SHANK1: variants seen among roughly 807,000 people sequenced by gnomAD.
SHANK1 encodes the protein SH3 and multiple ankyrin repeat domains protein 1.
SHANK1 carries 35 observed loss-of-function variants against 165.6 expected under a neutral mutation model. That is an observed-to-expected ratio of 0.21 (90% CI 0.16 to 0.28). The LOEUF is 0.28. SHANK1 is among the 10% of genes least tolerant of loss of function. The pLI is 1.00. For missense variants in SHANK1, 2,681 were observed against 3,036.4 expected, an observed-to-expected ratio of 0.88 and a Z score of 2.75; for synonymous variants, 1,428 against 1,384.8, an observed-to-expected ratio of 1.03 and a Z score of -0.69.
chr19:50,668,621 C>A lies in SHANK1; in HGVS notation c.3339G>T (p.Gln1113His). The A allele has an allele frequency of 7.3e-7, 1 of 1,376,800 alleles. No individual in the cohort carries two copies. The highest frequency in any genetic ancestry group is 9.4e-7 in the Non-Finnish European group (1 of 1,060,996). The allele number at this position is 1,376,800 out of a possible 1,614,324, so 85.3% of individuals were successfully genotyped here. ...GRGRKGPLVK[Q>H]TKVEGEPQKG... ...TCTGGGGCTCGCCTTCCACCTTGGT[C>A]TGCTTGACCAGCGGGCCCTTGCGGC... Residue 1113 changes from glutamine (Q) to histidine (H), a missense_variant, in exon 23 of 24, where the codon CAG becomes CAT. By Grantham distance (24) the Gln-to-His change is conservative. Transcript: ENST00000293441.
rs555907603 is a variant in SHANK1 at position 50,683,589 on chromosome 19, G to C, written c.2577+2648C>G. On this transcript the variant is annotated intron_variant, in intron 21 of 23. Transcript: ENST00000293441. Reference sequence around the variant, plus strand: ...TAGACAGCTCTTCAGCACCATGCTTGGGGGACCTTTTAAACGCTGATATCA... The same window carrying C: ...TAGACAGCTCTTCAGCACCATGCTTCGGGGACCTTTTAAACGCTGATATCA... Among the ~76,000 whole-genome samples the C allele has an allele frequency of 4.6e-5, 7 of 152,144 alleles. No individual in the cohort carries two copies. In the South Asian group the frequency reaches 1.5e-3, roughly 32 times the overall value.
rs779061860 is a variant in SHANK1 at position 50,679,775 on chromosome 19, TAGACAG to T, written c.2577+6456_2577+6461del. Among the ~76,000 whole-genome samples, 25 of 150,562 alleles carry T rather than the reference TAGACAG, an allele frequency of 1.7e-4. No individual in the cohort carries two copies. In the East Asian group the frequency reaches 2.4e-3, roughly 14 times the overall value. ...AGAGACAGAGATGGGGGGACAGAGA[TAGACAG>T]AGACAGAGAGAGGGAGACAAGGAGA... is the stretch of plus-strand genomic sequence containing the variant. On this transcript the variant is annotated intron_variant, in intron 21 of 23. Transcript: ENST00000293441.
Position 50,666,212 on chromosome 19 carries a change from G to A in SHANK1, c.5748C>T (p.Thr1916=). The part of the protein sequence containing the change: ...HGGASYVPER[T]SSLQRQRLSD... ...CTTACCTCTGCCGCTGCAGGGAGGA[G>A]GTCCTCTCGGGGACATAGCTGGCTC... Residue 1916 remains threonine, a synonymous_variant, in exon 23 of 24, where the codon ACC becomes ACT. Transcript: ENST00000293441. The A allele has an allele frequency of 6.2e-7, 1 of 1,602,808 alleles. No homozygotes were observed. The highest frequency in any genetic ancestry group is 8.5e-7 in the Non-Finnish European group (1 of 1,175,374).
chr19:50,687,846 C>A, intron 18 of SHANK1, 77 bp downstream of exon 18: 1 of 1,574,862 alleles, frequency 6.3e-7, no homozygotes, highest in East Asian at 2.3e-5. Flanking sequence ...CCTTGGGCAG[C>A]AGCAACCAGC....
chr19:50,715,111 C>G (rs528917023), intron 4 of SHANK1, among the ~76,000 whole-genome samples: 2 of 151,994 alleles, frequency 1.3e-5, no homozygotes, highest in Non-Finnish European at 2.9e-5. Flanking sequence ...AAGCAGTTCC[C>G]GATTTCCTCC....
chr19:50,687,034 G>C (rs933290009), intron 19 of SHANK1: 2 of 1,486,312 alleles, frequency 1.3e-6, no homozygotes, highest in Non-Finnish European at 1.8e-6. Context: ...CTTCTTCCAG[G>C]GGGAGACTAG....
At chr19:50,709,069 C>T (rs986494797) in intron 8 of SHANK1, among the ~76,000 whole-genome samples, 9 of 152,222 alleles carry the variant, frequency 5.9e-5, no homozygotes, top group Non-Finnish European at 1.3e-4. Context: ...TGTTATGCAT[C>T]GGTTTGTTAA....
rs1219716703 is a variant in SHANK1 at position 50,697,615 on chromosome 19, G to A, written c.1911C>T (p.Gly637=). The A allele has an allele frequency of 6.2e-7, 1 of 1,613,964 alleles. No homozygotes were observed. The highest frequency in any genetic ancestry group is 8.5e-7 in the Non-Finnish European group (1 of 1,179,904). ...AKRLFRHYTV[G]SYDSFDAPSL... is the part of the protein sequence containing the mutation. ...TTGGGGCATCAAAGCTGTCGTAGGA[G>A]CCCACGGTATAATGCCGGAAGAGTC... The change falls in exon 14 of 24, where the codon GGC becomes GGT. Residue 637 remains glycine, a synonymous_variant. Coordinates refer to ENST00000293441, the MANE Select transcript of SHANK1 (RefSeq NM_016148.5). The surrounding 1 kb of genome is among the most constrained non-coding windows in gnomAD (Gnocchi z 4.7).
In SHANK1 at chr19:50,712,122, C is replaced by A; in HGVS notation, c.793-8G>T. ...CCCAAGGTCCAGGAGCGCCTAGGAA[C>A]GGAGAGAGAACCCAGTAGAAAAACA... On this transcript the variant is annotated splice_polypyrimidine_tract_variant and splice_region_variant and intron_variant, in intron 6 of 23. Coordinates refer to ENST00000293441, the MANE Select transcript of SHANK1 (RefSeq NM_016148.5). 2 of 1,571,668 alleles carry A rather than the reference C, an allele frequency of 1.3e-6. No homozygotes were observed. Among genetic ancestry groups the A allele is most frequent in the South Asian group, 1.2e-5 (1 of 84,304 alleles).
chr19:50,695,644 C>T (rs573098207), intron 15 of SHANK1, among the ~76,000 whole-genome samples: 1 of 152,182 alleles, frequency 6.6e-6, no homozygotes, highest in East Asian at 1.9e-4. Context: ...GCGGACGGAG[C>T]CCCGCTTCCC....
In SHANK1 at chr19:50,718,608, G is replaced by C. The variant is rs2089095649; in HGVS notation, c.-44+798C>G. ...CTGGCACGCAGCTGGTACCGAGACG[G>C]GCTGAGGAATCGGCGAGGGGGGTGG... On this transcript the variant is annotated intron_variant, in intron 1 of 23. Coordinates refer to ENST00000293441, the MANE Select transcript of SHANK1 (RefSeq NM_016148.5). This position sits in a 1 kb window ranked among gnomAD's most constrained non-coding sequence, Gnocchi z 5.1. Among the ~76,000 whole-genome samples, 1 of 152,056 alleles carries C rather than the reference G, an allele frequency of 6.6e-6. No individual in the cohort carries two copies. Among genetic ancestry groups the C allele is most frequent in the South Asian group, 2.1e-4 (1 of 4,812 alleles).
intron 4 of SHANK1, among the ~76,000 whole-genome samples, chr19:50,714,929 A>G (rs2089053125): frequency 6.6e-6 from 1 of 152,034 alleles, no homozygotes; most frequent in Admixed American, 6.6e-5. Context: ...CACTGCAAGC[A>G]CTCAGGAGCC....
intron 21 of SHANK1, among the ~76,000 whole-genome samples, chr19:50,681,737 C>T (rs1417887036): frequency 1.3e-5 from 2 of 152,094 alleles, no homozygotes; most frequent in Non-Finnish European, 2.9e-5. Context: ...ACTGGTGAGC[C>T]ATGGTGGACT....
In SHANK1 at chr19:50,662,177, C is replaced by T. The variant is rs201633631; in HGVS notation, c.6274G>A (p.Ala2092Thr). 1.4e-5 allele frequency: 22 copies of T among 1,610,422 alleles called. No homozygotes were observed. The highest frequency in any genetic ancestry group is 6.7e-5 in the African/African-American group (5 of 74,882). The change falls in exon 24 of 24, where the codon GCT becomes ACT. Residue 2092 changes from alanine to threonine, a missense_variant. Transcript: ENST00000293441. The surrounding 1 kb of genome is among the most constrained non-coding windows in gnomAD (Gnocchi z 7.7). The part of the protein sequence containing the change: ...LSLPPDKPFG[A>T]KPLGFWTKFD... Reference sequence around the variant, plus strand: ...TTGGTCCAGAACCCCAGAGGTTTAGCGCCAAACGGCTTGTCCGGGGGCAGC... The same window carrying T: ...TTGGTCCAGAACCCCAGAGGTTTAGTGCCAAACGGCTTGTCCGGGGGCAGC...
intron 15 of SHANK1, among the ~76,000 whole-genome samples, chr19:50,695,317 G>A (rs1228415182): frequency 6.7e-6 from 1 of 148,342 alleles, no homozygotes; most frequent in Non-Finnish European, 1.5e-5. Context: ...GGACGGCGCC[G>A]GCTTCAGCAC....
rs765001315 is a variant in SHANK1 at position 50,668,384 on chromosome 19, G to A, written c.3576C>T (p.Gly1192=). The A allele has an allele frequency of 1.5e-5, 20 of 1,295,656 alleles. No individual in the cohort carries two copies. In the South Asian group the frequency reaches 5.5e-4, roughly 35 times the overall value. 80.3% of individuals were successfully genotyped at this position (1,295,656 alleles called of 1,614,324 possible). A position where few individuals can be genotyped will look rare whatever the true frequency, so the allele number is the denominator to read the frequency against. ...PTQPEPTGGG[G]GGGSSPSPAP... is the part of the protein sequence containing the mutation. ...CGGGGCTGGGCGAGGAGCCGCCGCC[G>A]CCGCCGCCTCCCGTGGGCTCCGGCT... Residue 1192 remains glycine, a synonymous_variant, in exon 23 of 24, where the codon GGC becomes GGT. Transcript: ENST00000293441.
chr19:50,667,266 T>C lies in SHANK1; in HGVS notation c.4694A>G (p.Glu1565Gly), dbSNP rs756009316. 10 of 1,596,510 alleles carry C rather than the reference T, an allele frequency of 6.3e-6. No individual in the cohort carries two copies. In the South Asian group the frequency reaches 1.0e-4, roughly 16 times the overall value. The change falls in exon 23 of 24, where the codon GAA (glutamate) becomes GGA (glycine). Residue 1565 changes from glutamate to glycine, a missense_variant. By Grantham distance (98) the Glu-to-Gly change is moderately conservative (BLOSUM62 -2). Coordinates refer to ENST00000293441, the MANE Select transcript of SHANK1 (RefSeq NM_016148.5). The surrounding 1 kb of genome is among the most constrained non-coding windows in gnomAD (Gnocchi z 5.7). ...GAATTCCAGAGGCGGAGGCAGCGGT[T>C]CCACGAAAAGGAATTCGCCATCTTC... ...DVEDGEFLFV[E>G]PLPPPLEFSN...
intron 21 of SHANK1, among the ~76,000 whole-genome samples, chr19:50,674,382 C>T (rs185766828): frequency 1.9e-3 from 285 of 152,246 alleles, no homozygotes; most frequent in African/African-American, 6.2e-3. Flanking sequence ...GGAGCCCTCT[C>T]GGAATGAAGT....
rs982290604 is a variant in SHANK1, at chr19:50,702,338, G to A, written c.1747+129C>T. On this transcript the variant is annotated intron_variant, in intron 12 of 23. Coordinates refer to ENST00000293441, the MANE Select transcript of SHANK1 (RefSeq NM_016148.5). The surrounding 1 kb of genome is among the most constrained non-coding windows in gnomAD (Gnocchi z 5.3). ...CTCCAAGCCTCAAGGGGTGTCCTGG[G>A]GCTCTCTGAGGTCTCCAGAGTGCAT... 6.1e-5 allele frequency: 46 copies of A among 758,298 alleles called. No homozygotes were observed. The highest frequency in any genetic ancestry group is 8.7e-5 in the Non-Finnish European group (42 of 481,124). 47.0% of individuals were successfully genotyped at this position (758,298 alleles called of 1,614,324 possible).
Sources: allele counts gnomAD v4.1 joint callset (sites outside exome capture counted in the v4.1 genomes callset), GRCh38; gene constraint gnomAD v4.1.1; non-coding constraint Gnocchi (gnomAD v3.1); transcripts MANE v1.5; gene names NCBI Gene and HGNC (gene_info 2026-07-23, HGNC 2026-07-21).